Variants in MTMR1 observed in about 807,000 individuals in gnomAD.
The protein encoded by MTMR1 is myotubularin related protein 1.
Under a neutral mutation model 51.6 loss-of-function variants are expected in MTMR1, and 17 were observed. The observed-to-expected ratio is 0.33, with a 90% CI of 0.23 to 0.49. The LOEUF (loss-of-function observed/expected upper bound fraction) is 0.49, where lower values mean the gene tolerates loss of function less well. Ranked by LOEUF, MTMR1 falls within the 20% of genes least tolerant of loss-of-function variation. The probability of loss-of-function intolerance (pLI) is 0.99; values close to 1 mark genes in which losing one functional copy is unlikely to be tolerated. For missense variants in MTMR1, 386 were observed against 526.9 expected, an observed-to-expected ratio of 0.73 and a Z score of 2.62; for synonymous variants, 201 against 205.6, an observed-to-expected ratio of 0.98 and a Z score of 0.19.
chrX:150,738,880 G>A (rs947089778), intron 12 of MTMR1, among the ~76,000 whole-genome samples: 4 of 112,131 alleles, frequency 3.6e-5, no homozygotes, highest in Admixed American at 2.8e-4. Flanking sequence ...ATACCTAGGA[G>A]TGAAATTGTG....
intron 3 of MTMR1, among the ~76,000 whole-genome samples, chrX:150,718,227 A>G (rs189538322): frequency 1.7e-3 from 186 of 112,331 alleles, no homozygotes; most frequent in African/African-American, 5.8e-3. Context: ...TTAGCTAAGC[A>G]CCTATAGCTC....
chrX:150,715,487 C>T (rs2041476142), intron 3 of MTMR1, among the ~76,000 whole-genome samples: 1 of 112,359 alleles, frequency 8.9e-6, no homozygotes, highest in Non-Finnish European at 1.9e-5. Context: ...ATATTCCATC[C>T]TTTGATTGTG....
chrX:150,757,221 G>A (rs960496730), intron 15 of MTMR1, among the ~76,000 whole-genome samples: 7 of 112,045 alleles, frequency 6.2e-5, no homozygotes, highest in Non-Finnish European at 9.4e-5. Flanking sequence ...CGTCACTATA[G>A]TACCCCGGCC....
chrX:150,735,592 C>T (rs1377110009), intron 10 of MTMR1: 5 of 426,976 alleles, frequency 1.2e-5, no homozygotes, highest in Non-Finnish European at 2.1e-5. Context: ...ACTTCTGCCT[C>T]ACACCCTGCA....
intron 4 of MTMR1, among the ~76,000 whole-genome samples, chrX:150,726,347 C>T (rs782554390): frequency 1.2e-3 from 130 of 111,431 alleles, no homozygotes; most frequent in African/African-American, 4.0e-3. Context: ...TCCCTGGTGC[C>T]GAAAAGGTTG....
intron 4 of MTMR1, among the ~76,000 whole-genome samples, chrX:150,719,094 A>G (rs1447444040): frequency 8.9e-6 from 1 of 111,986 alleles, no homozygotes; most frequent in African/African-American, 3.2e-5. Context: ...GTGGTTTATC[A>G]GATCCCAAAA....
At chrX:150,712,131 T>C in intron 2 of MTMR1, among the ~76,000 whole-genome samples, 1 of 112,050 alleles carries the variant, frequency 8.9e-6, no homozygotes, top group Non-Finnish European at 1.9e-5. Context: ...CTCCAAATCA[T>C]AGACTTCCCT....
intron 15 of MTMR1, among the ~76,000 whole-genome samples, chrX:150,760,797 G>T (rs1007642296): frequency 9.1e-6 from 1 of 110,196 alleles, no homozygotes; most frequent in Non-Finnish European, 1.9e-5. Context: ...AGTGGTGGCG[G>T]GCGCCTGTAA....
chrX:150,718,590 T>C, intron 3 of MTMR1, 35 bp from the exon 4 acceptor site: 1 of 197,670 alleles, frequency 5.1e-6, no homozygotes, highest in African/African-American at 7.0e-5. Context: ...TGTCCTTTTT[T>C]TTTTTTTTTT....
intron 12 of MTMR1, among the ~76,000 whole-genome samples, chrX:150,741,208 T>C (rs1569565731): frequency 1.8e-5 from 2 of 111,554 alleles, no homozygotes; most frequent in Non-Finnish European, 3.8e-5. Context: ...ATGAACAAAC[T>C]CCTCAGTGTG....
chrX:150,751,396 T>C (rs1603269042), intron 14 of MTMR1: 1 of 176,310 alleles, frequency 5.7e-6, no homozygotes, highest in East Asian at 2.4e-4. Context: ...GCTTAAGGAG[T>C]ATATGATCCT....
intron 8 of MTMR1, 132 bp downstream of exon 8, chrX:150,730,740 A>G (rs2042091936): frequency 6.2e-6 from 2 of 323,895 alleles, no homozygotes; most frequent in East Asian, 9.2e-5. Flanking sequence ...GCTAGCTTAT[A>G]GGTTCTCCAT....
chrX:150,712,582 C>A, intron 3 of MTMR1: 1 of 385,696 alleles, frequency 2.6e-6, no homozygotes, highest in South Asian at 4.8e-5. Context: ...TGTGTGAGGG[C>A]GGGATGCTAA....
At position 150,727,225 on chromosome X, in the gene MTMR1, C is replaced by G; in HGVS notation, c.363C>G (p.Val121=). 1.7e-6 allele frequency: 2 copies of G among 1,200,543 alleles called. No individual in the cohort carries two copies. Among genetic ancestry groups the G allele is most frequent in the Non-Finnish European group, 2.3e-6 (2 of 887,522 alleles). ...GESIKAIVKD[V]MYICPFMGAV... ...GCCTTTTTCTTTCAGTGAAAGATGT[C>G]ATGTATATCTGCCCATTTATGGGAG... Residue 121 remains valine (V), a synonymous_variant, in exon 5 of 16, where the codon GTC becomes GTG. Coordinates refer to ENST00000445323, the MANE Select transcript of MTMR1 (RefSeq NM_001306144.3).
At chrX:150,758,016 A>G (rs782527619) in intron 15 of MTMR1, among the ~76,000 whole-genome samples, 2 of 111,480 alleles carry the variant, frequency 1.8e-5, no homozygotes, top group South Asian at 7.6e-4. Flanking sequence ...CAGGGCCCTC[A>G]GGATCTAGCA....
At chrX:150,712,529 G>A (rs1043157159) in intron 3 of MTMR1, among the ~76,000 whole-genome samples, 164 bp downstream of exon 3, 11 of 111,754 alleles carry the variant, frequency 9.8e-5, no homozygotes, top group African/African-American at 2.0e-4. Context: ...CACTAGAAAC[G>A]CTTTATTTGT....
chrX:150,706,314 A>G (rs1007668765), intron 2 of MTMR1, among the ~76,000 whole-genome samples: 4 of 111,949 alleles, frequency 3.6e-5, no homozygotes, highest in African/African-American at 1.3e-4. Flanking sequence ...GACATGTTCA[A>G]ACCCCTACAG....
At position 150,736,610 on chromosome X, in the gene MTMR1, T is replaced by C; in HGVS notation, c.1096T>C (p.Tyr366His). 1 of 1,208,808 alleles carries C rather than the reference T, an allele frequency of 8.3e-7. No individual in the cohort carries two copies. The highest frequency in any genetic ancestry group is 1.1e-6 in the Non-Finnish European group (1 of 893,745). ...TTTTTCGTAGACAAAGGGTGGAGGA[T>C]ATGAAAGTGAAAGTGCTTACCCAAA... ...ADTNKTKGGG[Y>H]ESESAYPNAE... Residue 366 changes from tyrosine (Y) to histidine (H), a missense_variant, in exon 11 of 16, where the codon TAT (tyrosine) becomes CAT (histidine). Coordinates refer to ENST00000445323, the MANE Select transcript of MTMR1 (RefSeq NM_001306144.3).
chrX:150,743,977 C>T (rs1389802162), intron 12 of MTMR1, among the ~76,000 whole-genome samples: 3 of 111,965 alleles, frequency 2.7e-5, no homozygotes, highest in Non-Finnish European at 5.6e-5. Context: ...TGTTTTTATA[C>T]TTGTAGAGAA....
Sources: allele counts gnomAD v4.1 joint callset (sites outside exome capture counted in the v4.1 genomes callset), GRCh38; gene constraint gnomAD v4.1.1; transcripts MANE v1.5; gene names NCBI Gene and HGNC (gene_info 2026-07-23, HGNC 2026-07-21).